GRID2IP: variants seen among roughly 807,000 people sequenced by gnomAD.
The protein encoded by GRID2IP is delphilin.
In GRID2IP, 78 loss-of-function variants were observed where a neutral mutation model predicts 114.3. The ratio of observed to expected loss-of-function variants is 0.68; its 90% CI spans 0.57 to 0.82. GRID2IP has a LOEUF of 0.82. Among genes scored for constraint, GRID2IP ranks in the 40% least tolerant of loss-of-function variants. GRID2IP has a pLI of 0.00. For missense variants in GRID2IP, 1,727 were observed against 1,678.5 expected, an observed-to-expected ratio of 1.03 and a Z score of -0.51; for synonymous variants, 809 against 724.0, an observed-to-expected ratio of 1.12 and a Z score of -1.89.
rs1180601790 is a variant in GRID2IP, at chr7:6,514,664, A to G, written c.1269-135T>C. On this transcript the variant is annotated intron_variant, in intron 7 of 21. Transcript: ENST00000457091. ...CCTATCCCTACCCTTCAAAGACAGA[A>G]GTGGGGGCCGGGCACAGTGGCTCAC... 2.0e-5 allele frequency: 15 copies of G among 744,270 alleles called. No homozygotes were observed. In the East Asian group the frequency reaches 4.5e-4, roughly 22 times the overall value. 46.1% of individuals were successfully genotyped at this position (744,270 alleles called of 1,614,324 possible). A position where few individuals can be genotyped will look rare whatever the true frequency, so the allele number is the denominator to read the frequency against.
rs1779511026 is a variant in GRID2IP at position 6,526,399 on chromosome 7, C to T, written c.834-90G>A. On this transcript the variant is annotated intron_variant, in intron 3 of 21. Coordinates refer to ENST00000457091, the MANE Select transcript of GRID2IP (RefSeq NM_001145118.2). This position sits in a 1 kb window ranked among gnomAD's most constrained non-coding sequence, Gnocchi z 7.6. ...ATGTCCCGTGTCCCTCTCCCCTTAA[C>T]CTCTCCGGCCCCCTATGCACCCCAG... 2 of 1,510,610 alleles carry T rather than the reference C, an allele frequency of 1.3e-6. No homozygotes were observed. Among genetic ancestry groups the T allele is most frequent in the Non-Finnish European group, 1.8e-6 (2 of 1,118,510 alleles). The allele number at this position is 1,510,610 out of a possible 1,614,324, so 93.6% of individuals were successfully genotyped here.
At chr7:6,531,064 C>G in intron 2 of GRID2IP, 3 of 638,160 alleles carry the variant, frequency 4.7e-6, no homozygotes, top group South Asian at 1.7e-5. Context: ...GATGGGGAAG[C>G]TACCGAAAGT....
chr7:6,547,991 G>A (rs1473960664), intron 1 of GRID2IP, among the ~76,000 whole-genome samples: 1 of 152,182 alleles, frequency 6.6e-6, no homozygotes, highest in African/African-American at 2.4e-5. Flanking sequence ...CTTCCACGGA[G>A]GAAAAGTCTG....
Position 6,519,942 on chromosome 7 carries a change from G to A in GRID2IP, c.1268+636C>T, listed in dbSNP as rs1193081743. Among the ~76,000 whole-genome samples, 1 of 152,080 alleles carries A rather than the reference G, an allele frequency of 6.6e-6. No individual in the cohort carries two copies. The highest frequency in any genetic ancestry group is 1.5e-5 in the Non-Finnish European group (1 of 68,024). On this transcript the variant is annotated intron_variant, in intron 7 of 21. Coordinates refer to ENST00000457091, the MANE Select transcript of GRID2IP (RefSeq NM_001145118.2). This position sits in a 1 kb window ranked among gnomAD's most constrained non-coding sequence, Gnocchi z 4.1. ...CCCCGAAGGGCCTAGCCCATGACAA[G>A]TGCCCACAGGTGGGGCTCTGGTGAA...
rs1240974909 is a variant in GRID2IP at position 6,503,672 on chromosome 7, T to G, written c.2726A>C (p.His909Pro). The G allele has an allele frequency of 2.7e-6, 4 of 1,502,974 alleles. No homozygotes were observed. Among genetic ancestry groups the G allele is most frequent in the African/African-American group, 1.4e-5 (1 of 69,708 alleles). 93.1% of individuals were successfully genotyped at this position (1,502,974 alleles called of 1,614,324 possible). The change falls in exon 16 of 22, where the codon CAC (histidine) becomes CCC (proline). Residue 909 changes from histidine (H) to proline (P), a missense_variant. Physicochemically the swap from His to Pro is moderately conservative, Grantham distance 77. Coordinates refer to ENST00000457091, the MANE Select transcript of GRID2IP (RefSeq NM_001145118.2). The stretch of plus-strand genomic sequence containing the variant: ...CAGCTCCGCGGGGCTCAGCTTCAGG[T>G]GTGCCAAGAGGATGGCTGCGGGCGG... ...KAYNTSILLA[H>P]LKLSPAELRQ...
chr7:6,525,593 C>T (rs1365228222), intron 4 of GRID2IP, among the ~76,000 whole-genome samples: 2 of 152,116 alleles, frequency 1.3e-5, no homozygotes, highest in Non-Finnish European at 2.9e-5. Context: ...AAGATTGCAC[C>T]ACTGCACTCC....
intron 2 of GRID2IP, among the ~76,000 whole-genome samples, chr7:6,535,378 T>C (rs1412485150): frequency 3.9e-5 from 6 of 152,256 alleles, no homozygotes; most frequent in African/African-American, 1.2e-4. Flanking sequence ...CTGTGCTAGA[T>C]GGCCCAGCTT....
At chr7:6,548,244 T>C (rs1425559470) in intron 1 of GRID2IP, among the ~76,000 whole-genome samples, 1 of 151,852 alleles carries the variant, frequency 6.6e-6, no homozygotes, top group African/African-American at 2.4e-5. Flanking sequence ...TCCCAGCTCC[T>C]TGGGAGGCTG....
chr7:6,506,502 ACACTGAGGATGGATTTGGGTTTGGC>A lies in GRID2IP; in HGVS notation c.2545-620_2545-596del, dbSNP rs1786592356. Among the ~76,000 whole-genome samples, 1 of 152,158 alleles carries A rather than the reference ACACTGAGGATGGATTTGGGTTTGGC, an allele frequency of 6.6e-6. No individual in the cohort carries two copies. Among genetic ancestry groups the A allele is most frequent in the Non-Finnish European group, 1.5e-5 (1 of 68,018 alleles). Reference sequence around the variant, plus strand: ...CTTAGAACATGGCTGCAGGGCAGGGACACTGAGGATGGATTTGGGTTTGGCCACATGTGTGACCTGTGTCCCTGTG... The same window carrying A: ...CTTAGAACATGGCTGCAGGGCAGGGACACATGTGTGACCTGTGTCCCTGTG... On this transcript the variant is annotated intron_variant, in intron 13 of 21. Coordinates refer to ENST00000457091, the MANE Select transcript of GRID2IP (RefSeq NM_001145118.2). The surrounding 1 kb of genome is among the most constrained non-coding windows in gnomAD (Gnocchi z 5.2).
chr7:6,503,239 G>GT (rs2115353689), intron 16 of GRID2IP, 76 bp from the exon 17 acceptor site: 38 of 891,004 alleles, frequency 4.3e-5, no homozygotes, highest in Non-Finnish European at 5.7e-5. Flanking sequence ...TTTGGGGTGG[G>GT]AGGGGGGGAT....
At chr7:6,535,210 A>G (rs2115091914) in intron 2 of GRID2IP, among the ~76,000 whole-genome samples, 1 of 151,516 alleles carries the variant, frequency 6.6e-6, no homozygotes, top group East Asian at 2.0e-4. Context: ...TTGTATTTTT[A>G]GTAGAGGCGA....
intron 1 of GRID2IP, among the ~76,000 whole-genome samples, chr7:6,548,172 G>A (rs1394255372): frequency 1.3e-5 from 2 of 152,136 alleles, no homozygotes; most frequent in Admixed American, 1.3e-4. Context: ...GGACAACATA[G>A]TGAAACCGTG....
chr7:6,526,110 G>A lies in GRID2IP; in HGVS notation c.919+114C>T, dbSNP rs1779506073. The stretch of plus-strand genomic sequence containing the variant: ...ACACAAGGATGGTACCTGACGTGGA[G>A]GGGTTGCTGAGCAGGAGCCTACATG... On this transcript the variant is annotated intron_variant, in intron 4 of 21. Coordinates refer to ENST00000457091, the MANE Select transcript of GRID2IP (RefSeq NM_001145118.2). This position sits in a 1 kb window ranked among gnomAD's most constrained non-coding sequence, Gnocchi z 7.6. The A allele has an allele frequency of 1.3e-6, 1 of 759,468 alleles. No homozygotes were observed. Among genetic ancestry groups the A allele is most frequent in the Admixed American group, 2.1e-5 (1 of 48,442 alleles). The allele number at this position is 759,468 out of a possible 1,614,324, so 47.0% of individuals were successfully genotyped here. A position where few individuals can be genotyped will look rare whatever the true frequency, so the allele number is the denominator to read the frequency against.
In GRID2IP at chr7:6,508,939, C is replaced by T; in HGVS notation, c.2127+19G>A. 6.5e-7 allele frequency: 1 copy of T among 1,541,092 alleles called. No homozygotes were observed. Among genetic ancestry groups the T allele is most frequent in the African/African-American group, 1.4e-5 (1 of 73,120 alleles). ...ACCTCGCCTCACCCGCCTCCCTCCA[C>T]ACCTGCTTGCGTGCCCACCTCCTCG... On this transcript the variant is annotated intron_variant, in intron 12 of 21. Coordinates refer to ENST00000457091, the MANE Select transcript of GRID2IP (RefSeq NM_001145118.2). The surrounding 1 kb of genome is among the most constrained non-coding windows in gnomAD (Gnocchi z 5.6).
In GRID2IP at chr7:6,508,833, G is replaced by T; in HGVS notation, c.2127+125C>A. 7.2e-7 allele frequency: 1 copy of T among 1,397,270 alleles called. No homozygotes were observed. The highest frequency in any genetic ancestry group is 9.5e-7 in the Non-Finnish European group (1 of 1,058,188). 86.6% of individuals were successfully genotyped at this position (1,397,270 alleles called of 1,614,324 possible). On this transcript the variant is annotated intron_variant, in intron 12 of 21. Coordinates refer to ENST00000457091, the MANE Select transcript of GRID2IP (RefSeq NM_001145118.2). The surrounding 1 kb of genome is among the most constrained non-coding windows in gnomAD (Gnocchi z 5.6). ...GGGGTGGGATAGCTTGAGCTAGGGA[G>T]TGGGATAGCCTGGGGAAGATCCCAA...
rs376301380 is a variant in GRID2IP, at chr7:6,511,226, A to AGCAGCACCAGAAT, written c.1424-200_1424-188dup. ...CCAGGGCAAGAAACCAGGTGCCAGG[A>AGCAGCACCAGAAT]GCAGCACCAGAATGCAGCACCAGAA... On this transcript the variant is annotated intron_variant, in intron 8 of 21. Transcript: ENST00000457091. Among the ~76,000 whole-genome samples the AGCAGCACCAGAAT allele has an allele frequency of 8.2e-3, 1,255 of 152,276 alleles. 14 individuals carry two copies. The highest frequency in any genetic ancestry group is 0.029 in the African/African-American group (1,194 of 41,528).
chr7:6,522,306 A>T (rs1779427488), intron 4 of GRID2IP, among the ~76,000 whole-genome samples: 1 of 152,048 alleles, frequency 6.6e-6, no homozygotes, highest in Non-Finnish European at 1.5e-5. Flanking sequence ...GGATCTAAGG[A>T]CCACGGGAGT....
rs959101910 is a variant in GRID2IP at position 6,536,605 on chromosome 7, C to T, written c.584+3113G>A. 6.6e-6 allele frequency among the ~76,000 whole-genome samples: 1 copy of T among 151,454 alleles called. No homozygotes were observed. Among genetic ancestry groups the T allele is most frequent in the Non-Finnish European group, 1.5e-5 (1 of 67,816 alleles). On this transcript the variant is annotated intron_variant, in intron 2 of 21. Transcript: ENST00000457091. The surrounding 1 kb of genome is among the most constrained non-coding windows in gnomAD (Gnocchi z 5.3). ...CCAGCCGAGCCCGGCTGCCAGCAGC[C>T]GGGAGACGAGCGAGCCAACTTCCTG...
Position 6,521,602 on chromosome 7 carries a change from G to A in GRID2IP, c.990-79C>T. The A allele has an allele frequency of 9.9e-7, 1 of 1,013,302 alleles. No homozygotes were observed. Among genetic ancestry groups the A allele is most frequent in the Non-Finnish European group, 1.4e-6 (1 of 690,404 alleles). 62.8% of individuals were successfully genotyped at this position (1,013,302 alleles called of 1,614,324 possible). On this transcript the variant is annotated intron_variant, in intron 5 of 21. Coordinates refer to ENST00000457091, the MANE Select transcript of GRID2IP (RefSeq NM_001145118.2). This position sits in a 1 kb window ranked among gnomAD's most constrained non-coding sequence, Gnocchi z 4.1. Reference sequence around the variant, plus strand: ...GCCACCAGCCAGACCTCCCTGTCCTGCCCACAGAGGTCACACAGCAAGACC... The same window carrying A: ...GCCACCAGCCAGACCTCCCTGTCCTACCCACAGAGGTCACACAGCAAGACC...
Sources: gnomAD v4.1 joint callset for allele counts (sites outside exome capture counted in the v4.1 genomes callset) on GRCh38, gnomAD v4.1.1 for gene constraint, Gnocchi (gnomAD v3.1) non-coding constraint, MANE v1.5 for transcripts, NCBI Gene and HGNC (gene_info 2026-07-23, HGNC 2026-07-21) for gene names.